ATG4D: variants seen among roughly 807,000 people sequenced by gnomAD.
The protein encoded by ATG4D is autophagy related 4D cysteine peptidase.
ATG4D carries 51 observed loss-of-function variants against 55.2 expected under a neutral mutation model. The ratio of observed to expected loss-of-function variants is 0.92; its 90% CI spans 0.74 to 1.17. The LOEUF (loss-of-function observed/expected upper bound fraction) is 1.17, where lower values mean the gene tolerates loss of function less well. Ranked by LOEUF, ATG4D falls within the 50% of genes most tolerant of loss-of-function variation. The pLI, the probability that ATG4D is intolerant of heterozygous loss-of-function variation, is 0.00. For synonymous variants in ATG4D, 268 were observed against 266.2 expected, an observed-to-expected ratio of 1.01 and a Z score of -0.07; for missense variants, 635 against 649.6, an observed-to-expected ratio of 0.98 and a Z score of 0.25.
intron 6 of ATG4D, 149 bp from the exon 7 acceptor site, chr19:10,551,748 C>T: frequency 3.1e-6 from 2 of 642,772 alleles, no homozygotes; most frequent in Admixed American, 5.2e-5. Context: ...TTGTTAGTCT[C>T]TCACACTAGG....
intron 6 of ATG4D, among the ~76,000 whole-genome samples, chr19:10,549,465 T>C (rs913185725): frequency 6.6e-6 from 1 of 151,396 alleles, no homozygotes; most frequent in Admixed American, 6.6e-5. Flanking sequence ...TTGCCCAGGC[T>C]GGAGTGCAGT....
Position 10,552,952 on chromosome 19 carries a change from A to G in ATG4D, c.1310A>G (p.Asp437Gly), listed in dbSNP as rs370156682. The G allele has an allele frequency of 8.2e-5, 133 of 1,613,658 alleles. No individual in the cohort carries two copies. Among genetic ancestry groups the G allele is most frequent in the Non-Finnish European group, 1.1e-4 (128 of 1,179,992 alleles). ...ACCCTGGCCGAGGGCCATGCTCAGG[A>G]CCACAGCCTGGACGACCTCTGCTCC... ...MFTLAEGHAQ[D>G]HSLDDLCSQL... The change falls in exon 10 of 10, where the codon GAC becomes GGC. Residue 437 changes from aspartate (D) to glycine (G), a missense_variant. Coordinates refer to ENST00000309469, the MANE Select transcript of ATG4D (RefSeq NM_032885.6).
At chr19:10,552,628 C>T (rs1391171583) in intron 9 of ATG4D, among the ~76,000 whole-genome samples, 1 of 152,170 alleles carries the variant, frequency 6.6e-6, no homozygotes, top group Non-Finnish European at 1.5e-5. Flanking sequence ...GGCCACCAGC[C>T]ATTCTGGGCA....
At chr19:10,549,597 T>C (rs1487133714) in intron 6 of ATG4D, among the ~76,000 whole-genome samples, 1 of 152,046 alleles carries the variant, frequency 6.6e-6, no homozygotes. Context: ...TTTGTATTTT[T>C]AGTAGAGACG....
At chr19:10,552,471 C>A (rs1048456556) in intron 9 of ATG4D, 147 bp downstream of exon 9, 2 of 1,182,044 alleles carry the variant, frequency 1.7e-6, no homozygotes, top group African/African-American at 1.5e-5. Flanking sequence ...AGAATGTCCA[C>A]CCCTGAAAAG....
chr19:10,544,749 C>T (rs780343345), intron 1 of ATG4D, 34 bp from the exon 2 acceptor site: 1 of 1,611,642 alleles, frequency 6.2e-7, no homozygotes, highest in South Asian at 1.1e-5. Context: ...GCAAGTGCTT[C>T]ATCTCGCTGG....
chr19:10,552,344 G>A lies in ATG4D; in HGVS notation c.1242+20G>A. ...ACCAGGGTGAGCAAGAGGAAAGCTGGAGTGGGGTGAGGGGGGCGGTTGGGC... is the reference window on the plus strand; with the variant it reads ...ACCAGGGTGAGCAAGAGGAAAGCTGAAGTGGGGTGAGGGGGGCGGTTGGGC... On this transcript the variant is annotated intron_variant, in intron 9 of 9. Coordinates refer to ENST00000309469, the MANE Select transcript of ATG4D (RefSeq NM_032885.6). 6.2e-7 allele frequency: 1 copy of A among 1,604,380 alleles called. No individual in the cohort carries two copies. Among genetic ancestry groups the A allele is most frequent in the Non-Finnish European group, 8.5e-7 (1 of 1,175,288 alleles).
Position 10,544,312 on chromosome 19 carries a change from C to G in ATG4D, c.222C>G (p.Asn74Lys). 2.3e-6 allele frequency: 3 copies of G among 1,312,364 alleles called. No homozygotes were observed. In the Middle Eastern group the frequency reaches 6.1e-4, roughly 268 times the overall value. The allele number at this position is 1,312,364 out of a possible 1,614,324, so 81.3% of individuals were successfully genotyped here. A position where few individuals can be genotyped will look rare whatever the true frequency, so the allele number is the denominator to read the frequency against. The stretch of plus-strand genomic sequence containing the variant: ...AGGCCAAGTTCCTGACAGCCTGGAA[C>G]AACGTCAAGTACGGTGAGGAGGGGG... ...KFKAKFLTAW[N>K]NVKYGWVVKS... is the part of the protein sequence containing the mutation. The change falls in exon 1 of 10, where the codon AAC (asparagine) becomes AAG (lysine). Residue 74 changes from asparagine to lysine, a missense_variant. By Grantham distance (94) the Asn-to-Lys change is moderately conservative. Coordinates refer to ENST00000309469, the MANE Select transcript of ATG4D (RefSeq NM_032885.6).
chr19:10,548,784 T>A (rs1391566067), intron 5 of ATG4D, 120 bp from the exon 6 acceptor site: 2 of 1,417,784 alleles, frequency 1.4e-6, no homozygotes, highest in African/African-American at 2.9e-5. Context: ...TTTTGGTTAG[T>A]GATGACAGTG....
rs1427606242 is a variant in ATG4D at position 10,553,162 on chromosome 19, C to G, written c.*95C>G. 1 of 1,408,736 alleles carries G rather than the reference C, an allele frequency of 7.1e-7. No individual in the cohort carries two copies. The highest frequency in any genetic ancestry group is 2.5e-5 in the East Asian group (1 of 40,040). The allele number at this position is 1,408,736 out of a possible 1,614,324, so 87.3% of individuals were successfully genotyped here. A position where few individuals can be genotyped will look rare whatever the true frequency, so the allele number is the denominator to read the frequency against. Reference sequence around the variant, plus strand: ...TTGAGCTCTGGCAGTGATGATGGTACTTCCTGTTGTCAGCCCCTCAAGCCC... The same window carrying G: ...TTGAGCTCTGGCAGTGATGATGGTAGTTCCTGTTGTCAGCCCCTCAAGCCC... On this transcript the variant is annotated 3_prime_UTR_variant, in exon 10 of 10. Transcript: ENST00000309469.
chr19:10,550,028 A>G (rs1361018702), intron 6 of ATG4D, among the ~76,000 whole-genome samples: 1 of 151,930 alleles, frequency 6.6e-6, no homozygotes, highest in Non-Finnish European at 1.5e-5. Flanking sequence ...TTTTGAAAAT[A>G]TTCGAGTCTC....
At chr19:10,544,527 C>G (rs936461500) in intron 1 of ATG4D, among the ~76,000 whole-genome samples, 2 of 152,176 alleles carry the variant, frequency 1.3e-5, no homozygotes, top group Non-Finnish European at 2.9e-5. Flanking sequence ...GGGCAAGATC[C>G]TTTGCTTCCT....
intron 9 of ATG4D, 132 bp downstream of exon 9, chr19:10,552,456 T>C (rs772548299): frequency 3.6e-4 from 440 of 1,233,498 alleles, no homozygotes; most frequent in Non-Finnish European, 4.5e-4. Context: ...ACCTGGGAAA[T>C]GTGAAGAATG....
In ATG4D at chr19:10,547,011, C is replaced by T; in HGVS notation, c.666C>T (p.His222=). ...AGATTGTGTCCTGGTTCGCCGACCA[C>T]CCCCGGGCCCCCTTTGGCCTACACC... The part of the protein sequence containing the change: ...HRQIVSWFAD[H]PRAPFGLHRL... The change falls in exon 4 of 10, where the codon CAC becomes CAT. Residue 222 remains histidine (H), a synonymous_variant. Transcript: ENST00000309469. 2 of 1,586,704 alleles carry T rather than the reference C, an allele frequency of 1.3e-6. No individual in the cohort carries two copies. Among genetic ancestry groups the T allele is most frequent in the South Asian group, 1.1e-5 (1 of 88,410 alleles).
At chr19:10,548,233 G>C (rs1423624669) in intron 5 of ATG4D, among the ~76,000 whole-genome samples, 4 of 149,030 alleles carry the variant, frequency 2.7e-5, no homozygotes, top group African/African-American at 9.9e-5. Flanking sequence ...GGGTTTCACT[G>C]TCTTTGCCAG....
Position 10,553,306 on chromosome 19 carries a change from T to C in ATG4D, c.*239T>C. The C allele has an allele frequency of 3.9e-6, 2 of 515,672 alleles. No homozygotes were observed. The highest frequency in any genetic ancestry group is 6.8e-6 in the Non-Finnish European group (2 of 293,008). The allele number at this position is 515,672 out of a possible 1,614,324, so 31.9% of individuals were successfully genotyped here. ...GGAAGGAGGACCCCGGGCACCCCCCTCAGGGCCTGACTCACGTACTGTAGT... is the reference window on the plus strand; with the variant it reads ...GGAAGGAGGACCCCGGGCACCCCCCCCAGGGCCTGACTCACGTACTGTAGT... On this transcript the variant is annotated 3_prime_UTR_variant, in exon 10 of 10. Transcript: ENST00000309469.
intron 6 of ATG4D, among the ~76,000 whole-genome samples, chr19:10,550,860 C>T (rs760222151): frequency 2.2e-4 from 33 of 151,834 alleles, no homozygotes; most frequent in Non-Finnish European, 2.9e-4. Context: ...TACAGGCGTC[C>T]GCCACCACTC....
At chr19:10,551,814 G>A in intron 6 of ATG4D, 83 bp from the exon 7 acceptor site, 2 of 1,335,472 alleles carry the variant, frequency 1.5e-6, no homozygotes, top group East Asian at 2.4e-5. Context: ...GCCCTCCAGA[G>A]GCTGGGTTCT....
intron 5 of ATG4D, 71 bp from the exon 6 acceptor site, chr19:10,548,833 T>A: frequency 6.4e-7 from 1 of 1,561,332 alleles, no homozygotes; most frequent in South Asian, 1.2e-5. Flanking sequence ...GTTGAGCCCC[T>A]GGGGTTAGAG....
Sources: gnomAD v4.1 joint callset for allele counts (sites outside exome capture counted in the v4.1 genomes callset) on GRCh38, gnomAD v4.1.1 for gene constraint, MANE v1.5 for transcripts, NCBI Gene and HGNC (gene_info 2026-07-23, HGNC 2026-07-21) for gene names.